DPP10: variants seen among roughly 807,000 people sequenced by gnomAD.
DPP10 encodes dipeptidyl peptidase like 10, also known as inactive dipeptidyl peptidase 10.
Under a neutral mutation model 120.9 loss-of-function variants are expected in DPP10, and 33 were observed. That is an observed-to-expected ratio of 0.27 (90% CI 0.21 to 0.37). The LOEUF (loss-of-function observed/expected upper bound fraction) is 0.37, where lower values mean the gene tolerates loss of function less well. Ranked by LOEUF, DPP10 falls within the 10% of genes least tolerant of loss-of-function variation. The probability of loss-of-function intolerance (pLI) is 1.00; values close to 1 mark genes in which losing one functional copy is unlikely to be tolerated. For missense variants in DPP10, 816 were observed against 942.8 expected (o/e 0.87, Z 1.76); for synonymous variants, 337 against 326.1 (o/e 1.03, Z -0.36).
At chr2:115,672,640 CTT>C (rs1275785958) in intron 5 of DPP10, among the ~76,000 whole-genome samples, 1 of 150,072 alleles carries the variant, frequency 6.7e-6, no homozygotes, top group South Asian at 2.1e-4. Context: ...TTCTTTCTTT[CTT>C]TCTCTCTCTC....
At chr2:114,934,361 C>CA (rs1696303150) in intron 1 of DPP10, among the ~76,000 whole-genome samples, 1 of 151,816 alleles carries the variant, frequency 6.6e-6, no homozygotes, top group South Asian at 2.1e-4. Context: ...TATATTCTTA[C>CA]AAAAAAGTAA....
At chr2:115,206,069 G>A (rs1347468232) in intron 1 of DPP10, among the ~76,000 whole-genome samples, 2 of 152,024 alleles carry the variant, frequency 1.3e-5, no homozygotes, top group East Asian at 3.9e-4. Flanking sequence ...AAAAGAGGAG[G>A]AGCAACTTCT....
rs552538280 is a variant in DPP10 at position 114,908,946 on chromosome 2, T to C, written c.61-400293T>C. Among the ~76,000 whole-genome samples, 4 of 151,960 alleles carry C rather than the reference T, an allele frequency of 2.6e-5. No homozygotes were observed. The South Asian group carries it at 8.3e-4, about 31-fold the overall frequency. On this transcript the variant is annotated intron_variant, in intron 1 of 25. Transcript: ENST00000410059. ...TTTGTGAGTTTGGCTAGATGATTCT[T>C]GTCATATTTTAGTACTGAGTTTACT...
intron 3 of DPP10, among the ~76,000 whole-genome samples, chr2:115,371,611 A>C (rs1439323975): frequency 6.6e-6 from 1 of 152,084 alleles, no homozygotes; most frequent in Non-Finnish European, 1.5e-5. Flanking sequence ...AATTGTATTT[A>C]TCATTCCCAG....
At chr2:115,237,654 A>G (rs1474207500) in intron 1 of DPP10, among the ~76,000 whole-genome samples, 2 of 152,220 alleles carry the variant, frequency 1.3e-5, no homozygotes, top group Admixed American at 6.5e-5. Flanking sequence ...ACTTCTTGAA[A>G]GAAATTAAAA....
chr2:115,334,539 T>C (rs376746868), intron 2 of DPP10, among the ~76,000 whole-genome samples: 2 of 151,844 alleles, frequency 1.3e-5, no homozygotes, highest in Admixed American at 1.3e-4. Context: ...CATAGTTAAA[T>C]ACACTTCTGA....
At chr2:115,522,733 A>G (rs1423604449) in intron 4 of DPP10, among the ~76,000 whole-genome samples, 1 of 152,130 alleles carries the variant, frequency 6.6e-6, no homozygotes, top group Admixed American at 6.6e-5. Context: ...AGTAATGGCA[A>G]TGAACACATG....
chr2:114,527,565 G>T (rs1202629435), intron 1 of DPP10, among the ~76,000 whole-genome samples: 1 of 152,144 alleles, frequency 6.6e-6, no homozygotes, highest in Non-Finnish European at 1.5e-5. Flanking sequence ...TTTTGATTCT[G>T]AGGTAGGAGG....
intron 1 of DPP10, among the ~76,000 whole-genome samples, chr2:115,209,919 G>T (rs1230658258): frequency 6.6e-6 from 1 of 152,136 alleles, no homozygotes; most frequent in Non-Finnish European, 1.5e-5. Flanking sequence ...AGGTTCAGTG[G>T]CTCACGCCTG....
chr2:115,272,014 T>C (rs1226897502), intron 1 of DPP10, among the ~76,000 whole-genome samples: 3 of 152,234 alleles, frequency 2.0e-5, no homozygotes, highest in African/African-American at 7.2e-5. Flanking sequence ...ATTCAGCCAT[T>C]AGTTATATTC....
At chr2:115,584,857 G>A (rs879659047) in intron 5 of DPP10, among the ~76,000 whole-genome samples, 1 of 152,172 alleles carries the variant, frequency 6.6e-6, no homozygotes, top group Non-Finnish European at 1.5e-5. Context: ...AATACTGGTT[G>A]CATGATCCTT....
intron 3 of DPP10, among the ~76,000 whole-genome samples, chr2:115,383,854 T>C (rs1361061062): frequency 6.6e-6 from 1 of 152,202 alleles, no homozygotes; most frequent in African/African-American, 2.4e-5. Context: ...AAAAAGTTAG[T>C]TGAGATTATT....
intron 3 of DPP10, among the ~76,000 whole-genome samples, chr2:115,484,258 T>TG (rs1334184874): frequency 6.6e-6 from 1 of 151,738 alleles, no homozygotes; most frequent in Non-Finnish European, 1.5e-5. Context: ...GGCAATTTTT[T>TG]TTTTTTACAA....
At chr2:115,125,275 G>A (rs1388625115) in intron 1 of DPP10, among the ~76,000 whole-genome samples, 1 of 152,122 alleles carries the variant, frequency 6.6e-6, no homozygotes, top group African/African-American at 2.4e-5. Context: ...AATCATCTCT[G>A]AGTATAAAAT....
chr2:115,234,621 A>T (rs1022287232), intron 1 of DPP10: 1 of 152,220 alleles, frequency 6.6e-6, no homozygotes, highest in African/African-American at 2.4e-5. Flanking sequence ...CCTTCTCACC[A>T]TGCACACTGG....
At chr2:115,127,225 G>A (rs1340500105) in intron 1 of DPP10, among the ~76,000 whole-genome samples, 3 of 152,166 alleles carry the variant, frequency 2.0e-5, no homozygotes, top group Admixed American at 6.5e-5. Context: ...AGTCCTGTGT[G>A]TGTTTTGTTT....
chr2:115,381,059 T>G (rs1353298178), intron 3 of DPP10, among the ~76,000 whole-genome samples: 1 of 152,176 alleles, frequency 6.6e-6, no homozygotes, highest in African/African-American at 2.4e-5. Flanking sequence ...TGGAGTATCT[T>G]TGTGGCATTC....
At chr2:115,514,552 A>T (rs2077400540) in intron 4 of DPP10, among the ~76,000 whole-genome samples, 1 of 151,762 alleles carries the variant, frequency 6.6e-6, no homozygotes, top group Non-Finnish European at 1.5e-5. Flanking sequence ...AAACAAGATA[A>T]TGAAAACATA....
rs572734726 is a variant in DPP10 at position 115,360,288 on chromosome 2, T to C, written c.271+16376T>C. On this transcript the variant is annotated intron_variant, in intron 3 of 25. Transcript: ENST00000410059. The stretch of plus-strand genomic sequence containing the variant: ...ATTTGGATGAGGCATTTTGTTTTTA[T>C]ATTCTTTTTCTCTCTGGAGGGTGTG... Among the ~76,000 whole-genome samples, 31 of 152,330 alleles carry C rather than the reference T, an allele frequency of 2.0e-4. No individual in the cohort carries two copies. In the South Asian group the frequency reaches 6.2e-3, roughly 31 times the overall value.
Sources: gnomAD v4.1 joint callset for allele counts (sites outside exome capture counted in the v4.1 genomes callset) on GRCh38, gnomAD v4.1.1 for gene constraint, MANE v1.5 for transcripts, NCBI Gene and HGNC (gene_info 2026-07-23, HGNC 2026-07-21) for gene names.